NDST4: variants seen among roughly 807,000 people sequenced by gnomAD.
NDST4 encodes the protein N-heparan sulfate sulfotransferase 4.
A neutral mutation model predicts 100.8 loss-of-function variants in NDST4; 63 were observed. That is an observed-to-expected ratio of 0.62 (90% CI 0.51 to 0.77). The LOEUF is 0.77. NDST4 is among the 30% of genes least tolerant of loss of function. The probability of loss-of-function intolerance (pLI) is 0.00; values close to 1 mark genes in which losing one functional copy is unlikely to be tolerated. For missense variants in NDST4, 943 were observed against 1,018.4 expected (o/e 0.93, Z 1.01); for synonymous variants, 377 against 361.8 (o/e 1.04, Z -0.48).
At chr4:114,962,032 C>T (rs1054176389) in intron 4 of NDST4, among the ~76,000 whole-genome samples, 31 of 151,986 alleles carry the variant, frequency 2.0e-4, no homozygotes, top group African/African-American at 7.0e-4. Flanking sequence ...GTTAACTTAA[C>T]ATCTAAAAAT....
chr4:114,930,155 T>TA (rs1466841619), intron 6 of NDST4, among the ~76,000 whole-genome samples: 2 of 152,214 alleles, frequency 1.3e-5, no homozygotes, highest in East Asian at 3.8e-4. Context: ...TTGATGTTTT[T>TA]AAAAAATATA....
At chr4:115,085,596 C>T (rs545157613) in intron 1 of NDST4, among the ~76,000 whole-genome samples, 6 of 152,256 alleles carry the variant, frequency 3.9e-5, no homozygotes. Flanking sequence ...AGTGAGTTCT[C>T]ACAAAATCTG....
chr4:114,891,076 A>C (rs72899287), intron 6 of NDST4, among the ~76,000 whole-genome samples: 1 of 151,956 alleles, frequency 6.6e-6, no homozygotes, highest in East Asian at 1.9e-4. Context: ...TGAGGGATTC[A>C]TCCTACTTGA....
rs57801855 is a variant in NDST4, at chr4:114,966,382, C to T, written c.1221+4048G>A. On this transcript the variant is annotated intron_variant, in intron 4 of 13. Coordinates refer to ENST00000264363, the MANE Select transcript of NDST4 (RefSeq NM_022569.3). ...CATGATGAAATGTGGCAATGTGTTT[C>T]TCTCATGATTTTTAAACATATTACA... Among the ~76,000 whole-genome samples, 843 of 152,090 alleles carry T rather than the reference C, an allele frequency of 5.5e-3. 10 individuals are homozygous for T. Among genetic ancestry groups the T allele is most frequent in the African/African-American group, 0.019 (801 of 41,532 alleles).
Position 114,846,124 on chromosome 4 carries a change from T to C in NDST4, c.1941-127A>G, listed in dbSNP as rs368360973. ...TTCTGATTATTATGCTGTTATAGTT[T>C]AAATAATAGATATTCTATACACATT... On this transcript the variant is annotated intron_variant, in intron 9 of 13. Transcript: ENST00000264363. The C allele has an allele frequency of 1.8e-4, 141 of 772,270 alleles. No homozygotes were observed. The African/African-American group carries it at 2.3e-3, about 13-fold the overall frequency. The allele number at this position is 772,270 out of a possible 1,614,324, so 47.8% of individuals were successfully genotyped here. A position where few individuals can be genotyped will look rare whatever the true frequency, so the allele number is the denominator to read the frequency against.
intron 1 of NDST4, among the ~76,000 whole-genome samples, chr4:115,093,659 T>G (rs535008258): frequency 6.6e-6 from 1 of 152,164 alleles, no homozygotes; most frequent in South Asian, 2.1e-4. Flanking sequence ...AAAAATCACA[T>G]GGAGCATATG....
chr4:115,102,234 T>C (rs891208279), intron 1 of NDST4, among the ~76,000 whole-genome samples: 3 of 152,116 alleles, frequency 2.0e-5, no homozygotes, highest in African/African-American at 7.2e-5. Context: ...GAAGCAGTTA[T>C]CCATGAAACA....
At chr4:114,892,203 T>C (rs929969887) in intron 6 of NDST4, among the ~76,000 whole-genome samples, 5 of 152,130 alleles carry the variant, frequency 3.3e-5, no homozygotes, top group African/African-American at 1.2e-4. Flanking sequence ...CATACTGATA[T>C]TTATAATCAC....
At chr4:115,041,867 G>A (rs1171864865) in intron 2 of NDST4, among the ~76,000 whole-genome samples, 1 of 151,908 alleles carries the variant, frequency 6.6e-6, no homozygotes, top group Admixed American at 6.6e-5. Flanking sequence ...AAACCGAGGT[G>A]GTACTTTTCT....
intron 7 of NDST4, among the ~76,000 whole-genome samples, 199 bp from the exon 8 acceptor site, chr4:114,853,020 C>T (rs545686312): frequency 5.1e-4 from 78 of 152,276 alleles, no homozygotes; most frequent in African/African-American, 1.8e-3. Context: ...TGGGACTCAG[C>T]ATCAAGTCCT....
chr4:114,973,363 A>G (rs545734789), intron 3 of NDST4, among the ~76,000 whole-genome samples: 1 of 151,980 alleles, frequency 6.6e-6, no homozygotes, highest in South Asian at 2.1e-4. Context: ...TGTACCTAAT[A>G]TATACTTAAA....
chr4:115,006,023 C>T (rs113877307), intron 2 of NDST4, among the ~76,000 whole-genome samples: 925 of 72,190 alleles, frequency 0.013, 7 homozygotes, highest in Middle Eastern at 0.1. Context: ...CAGAGTGAGA[C>T]TCTATCTCAA....
At chr4:115,000,700 C>A (rs1414289168) in intron 2 of NDST4, among the ~76,000 whole-genome samples, 1 of 152,080 alleles carries the variant, frequency 6.6e-6, no homozygotes, top group African/African-American at 2.4e-5. Flanking sequence ...TGTTGAAAAC[C>A]TTTCTGTCCT....
At chr4:115,026,894 A>C (rs1422563530) in intron 2 of NDST4, among the ~76,000 whole-genome samples, 1 of 152,148 alleles carries the variant, frequency 6.6e-6, no homozygotes, top group East Asian at 1.9e-4. Context: ...CCTTGAGAAA[A>C]TCAAAGTAGA....
chr4:114,995,340 G>T (rs544969219), intron 2 of NDST4, among the ~76,000 whole-genome samples: 1 of 152,176 alleles, frequency 6.6e-6, no homozygotes, highest in South Asian at 2.1e-4. Context: ...AGATTAGCTA[G>T]ATTCATAATC....
intron 6 of NDST4, among the ~76,000 whole-genome samples, chr4:114,900,144 T>A (rs942488388): frequency 5.3e-5 from 8 of 152,148 alleles, no homozygotes; most frequent in Admixed American, 4.6e-4. Flanking sequence ...ATTTCTTTAT[T>A]ATCCTTACAA....
intron 6 of NDST4, among the ~76,000 whole-genome samples, chr4:114,872,796 A>G (rs915257845): frequency 1.3e-5 from 2 of 152,046 alleles, no homozygotes; most frequent in African/African-American, 4.8e-5. Context: ...CAAGTTCTAC[A>G]TCTAGTCAGT....
At chr4:114,934,185 A>T (rs1560819504) in intron 6 of NDST4, among the ~76,000 whole-genome samples, 1 of 152,220 alleles carries the variant, frequency 6.6e-6, no homozygotes. Flanking sequence ...AAAAGAAGGA[A>T]ATCTTGTCAT....
intron 6 of NDST4, among the ~76,000 whole-genome samples, chr4:114,914,808 GT>G (rs1362574825): frequency 6.6e-6 from 1 of 152,026 alleles, no homozygotes; most frequent in East Asian, 1.9e-4. Context: ...TTTAATCACT[GT>G]TTTTTTAAAA....
Sources: gnomAD v4.1 joint callset for allele counts (sites outside exome capture counted in the v4.1 genomes callset) on GRCh38, gnomAD v4.1.1 for gene constraint, MANE v1.5 for transcripts, NCBI Gene and HGNC (gene_info 2026-07-23, HGNC 2026-07-21) for gene names.